Variants in CNPY1 observed in about 807,000 individuals in gnomAD.
The protein encoded by CNPY1 is protein canopy homolog 1.
A neutral mutation model predicts 14.4 loss-of-function variants in CNPY1; 14 were observed. The observed-to-expected ratio is 0.97, with a 90% confidence interval of 0.64 to 1.52. The LOEUF is 1.52. Among genes scored for constraint, CNPY1 ranks in the 40% most tolerant of loss-of-function variants. CNPY1 has a pLI of 0.00. For missense variants in CNPY1, 129 were observed against 131.5 expected (o/e 0.98, Z 0.09); for synonymous variants, 43 against 46.5 (o/e 0.92, Z 0.31).
Position 155,516,259 on chromosome 7 carries a change from T to G in CNPY1, c.100-7162A>C, listed in dbSNP as rs1000102610. 2.0e-5 allele frequency among the ~76,000 whole-genome samples: 3 copies of G among 151,886 alleles called. No homozygotes were observed. In the South Asian group the frequency reaches 6.3e-4, roughly 32 times the overall value. ...GTTTCAGGAGGGGTATTCCCAAGAG[T>G]TCTGAATGATGGCAGAATATGGCTA... On this transcript the variant is annotated intron_variant, in intron 2 of 4. Transcript: ENST00000636446.
intron 2 of CNPY1, among the ~76,000 whole-genome samples, chr7:155,523,282 C>A (rs772144490): frequency 6.6e-6 from 1 of 152,190 alleles, no homozygotes; most frequent in Non-Finnish European, 1.5e-5. Context: ...AGAACAGTCT[C>A]ATGTACCGGA....
intron 3 of CNPY1, among the ~76,000 whole-genome samples, chr7:155,507,331 T>C (rs1372600270): frequency 6.6e-6 from 1 of 151,874 alleles, no homozygotes; most frequent in Non-Finnish European, 1.5e-5. Context: ...CTTAAGTAAA[T>C]GATGAGTTGT....
intron 2 of CNPY1, among the ~76,000 whole-genome samples, chr7:155,532,545 C>G (rs1252066471): frequency 1.3e-5 from 2 of 151,968 alleles, no homozygotes; most frequent in East Asian, 3.9e-4. Flanking sequence ...GGCGTGAACC[C>G]GGGAGGCGGA....
intron 2 of CNPY1, among the ~76,000 whole-genome samples, chr7:155,522,922 A>C (rs1218972649): frequency 1.3e-5 from 2 of 152,220 alleles, no homozygotes; most frequent in Admixed American, 6.5e-5. Context: ...AAGCTGAAGC[A>C]CATTAAATCC....
At position 155,502,809 on chromosome 7, in the gene CNPY1, A is replaced by G; in HGVS notation, c.*259T>C. 6 of 489,818 alleles carry G rather than the reference A, an allele frequency of 1.2e-5. No individual in the cohort carries two copies. The highest frequency in any genetic ancestry group is 1.8e-5 in the Non-Finnish European group (5 of 275,980). 30.3% of individuals were successfully genotyped at this position (489,818 alleles called of 1,614,324 possible). A position where few individuals can be genotyped will look rare whatever the true frequency, so the allele number is the denominator to read the frequency against. On this transcript the variant is annotated 3_prime_UTR_variant, in exon 5 of 5. Transcript: ENST00000636446. ...TCCTCAATACAGAATTAAATCCTCT[A>G]TTGTCAAGCTTGATTTATCAAAATC...
At chr7:155,534,015 G>C (rs1010057821) in intron 2 of CNPY1, among the ~76,000 whole-genome samples, 1 of 152,184 alleles carries the variant, frequency 6.6e-6, no homozygotes, top group Admixed American at 6.5e-5. Context: ...AGGACTGGAA[G>C]CCCGGGGGGA....
At chr7:155,514,240 G>A (rs763535445) in intron 2 of CNPY1, among the ~76,000 whole-genome samples, 10 of 152,294 alleles carry the variant, frequency 6.6e-5, no homozygotes, top group South Asian at 4.1e-4. Context: ...TAATTCCGAC[G>A]TTTAAAAAGA....
At chr7:155,515,815 C>G (rs1471338196) in intron 2 of CNPY1, among the ~76,000 whole-genome samples, 1 of 152,076 alleles carries the variant, frequency 6.6e-6, no homozygotes, top group Non-Finnish European at 1.5e-5. Flanking sequence ...AAAGACAGCT[C>G]TTTCTTTAAA....
At chr7:155,523,447 G>T (rs1401865405) in intron 2 of CNPY1, among the ~76,000 whole-genome samples, 1 of 152,244 alleles carries the variant, frequency 6.6e-6, no homozygotes, top group Non-Finnish European at 1.5e-5. Flanking sequence ...GGAGGGAAGG[G>T]CACACTGCCG....
chr7:155,519,566 A>ATAAATAAAT lies in CNPY1; in HGVS notation c.100-10470_100-10469insATTTATTTA, dbSNP rs61571384. On this transcript the variant is annotated intron_variant, in intron 2 of 4. Coordinates refer to ENST00000636446, the MANE Select transcript of CNPY1 (RefSeq NM_001393663.1). ...ATAAATAAATAAATAAATAAATAAGAAAGAAAGAAGAAAAATGGGTGCAAA... is the reference window on the plus strand; with the variant it reads ...ATAAATAAATAAATAAATAAATAAGATAAATAAATAAGAAAGAAGAAAAATGGGTGCAAA... 1.9e-3 allele frequency among the ~76,000 whole-genome samples: 253 copies of ATAAATAAAT among 132,792 alleles called. 1 individual carries two copies. Among genetic ancestry groups the ATAAATAAAT allele is most frequent in the African/African-American group, 4.9e-3 (139 of 28,268 alleles). 87.1% of individuals were successfully genotyped at this position (132,792 alleles called of 152,430 possible).
intron 2 of CNPY1, among the ~76,000 whole-genome samples, chr7:155,515,305 CCCCG>C (rs1563089145): frequency 3.5e-5 from 5 of 143,322 alleles, no homozygotes; most frequent in Non-Finnish European, 6.2e-5. Context: ...CCCCCCCCCC[CCCCG>C]GCCCCGGCCA....
intron 4 of CNPY1, among the ~76,000 whole-genome samples, chr7:155,504,636 G>A (rs536489208): frequency 2.8e-4 from 43 of 151,200 alleles, no homozygotes; most frequent in African/African-American, 9.3e-4. Context: ...AGCGTTGCAC[G>A]TAGTATACAC....
intron 2 of CNPY1, among the ~76,000 whole-genome samples, chr7:155,542,795 C>T (rs374568516): frequency 6.6e-6 from 1 of 152,240 alleles, no homozygotes; most frequent in Non-Finnish European, 1.5e-5. Context: ...ACTGGCTGCT[C>T]TCTGGGGGCC....
chr7:155,525,050 T>C (rs1183334868), intron 2 of CNPY1, among the ~76,000 whole-genome samples: 3 of 152,338 alleles, frequency 2.0e-5, no homozygotes, highest in Admixed American at 6.5e-5. Flanking sequence ...CTCCATGCTA[T>C]GCTACCATCA....
rs779562829 is a variant in CNPY1 at position 155,503,116 on chromosome 7, A to AG, written c.401-12_401-11insC. The AG allele has an allele frequency of 6.3e-7, 1 of 1,598,288 alleles. No individual in the cohort carries two copies. The highest frequency in any genetic ancestry group is 8.5e-7 in the Non-Finnish European group (1 of 1,175,814). On this transcript the variant is annotated splice_polypyrimidine_tract_variant and intron_variant, in intron 4 of 4. Transcript: ENST00000636446. ...AAGTTTCACACAGATCTGGAAAAAA[A>AG]AAAAAAAGTAGATAGCATCATTATC...
rs189092548 is a variant in CNPY1, at chr7:155,502,887, C to T, written c.*181G>A. ...CTCCTCAGCTTCACCTATAAAAAAA[C>T]GCAGGGTTTGTCATGATGTCAACCA... is the stretch of plus-strand genomic sequence containing the variant. On this transcript the variant is annotated 3_prime_UTR_variant, in exon 5 of 5. Coordinates refer to ENST00000636446, the MANE Select transcript of CNPY1 (RefSeq NM_001393663.1). The T allele has an allele frequency of 3.2e-4, 173 of 544,518 alleles. 1 individual carries two copies. Among genetic ancestry groups the T allele is most frequent in the Admixed American group, 3.1e-3 (95 of 30,908 alleles). 33.7% of individuals were successfully genotyped at this position (544,518 alleles called of 1,614,324 possible). A position where few individuals can be genotyped will look rare whatever the true frequency, so the allele number is the denominator to read the frequency against.
chr7:155,529,026 A>C (rs1442990487), intron 2 of CNPY1, among the ~76,000 whole-genome samples: 1 of 150,900 alleles, frequency 6.6e-6, no homozygotes, highest in Non-Finnish European at 1.5e-5. Context: ...GCGCCACTGC[A>C]CTCCAGCCTG....
chr7:155,520,428 C>CTTTTTTTTTTTTTTT (rs71522007), intron 2 of CNPY1, among the ~76,000 whole-genome samples: 1 of 69,410 alleles, frequency 1.4e-5, no homozygotes, highest in African/African-American at 6.2e-5. Flanking sequence ...TTCTTTCTTT[C>CTTTTTTTTTTTTTTT]TTTTTTTTTT....
At chr7:155,521,957 T>C (rs1436624132) in intron 2 of CNPY1, among the ~76,000 whole-genome samples, 1 of 152,242 alleles carries the variant, frequency 6.6e-6, no homozygotes, top group African/African-American at 2.4e-5. Flanking sequence ...GGTCCCCAAC[T>C]GCTCATGCCC....
Sources: allele counts gnomAD v4.1 joint callset (sites outside exome capture counted in the v4.1 genomes callset), GRCh38; gene constraint gnomAD v4.1.1; transcripts MANE v1.5; gene names NCBI Gene and HGNC (gene_info 2026-07-23, HGNC 2026-07-21).